The following SKAP1 variants were observed in gnomAD, a reference collection of about 807,000 sequenced individuals.
SKAP1 encodes src kinase-associated phosphoprotein 1.
Under a neutral mutation model 58.5 loss-of-function variants are expected in SKAP1, and 44 were observed. The ratio of observed to expected loss-of-function variants is 0.75; its 90% confidence interval spans 0.59 to 0.97. The LOEUF (loss-of-function observed/expected upper bound fraction) is 0.97. Among genes scored for constraint, SKAP1 ranks in the 50% least tolerant of loss-of-function variants. The pLI is 0.00. For missense variants in SKAP1, 390 were observed against 435.2 expected (o/e 0.90, Z 0.92); for synonymous variants, 127 against 149.7 (o/e 0.85, Z 1.11).
chr17:48,372,234 A>T (rs946811508), intron 2 of SKAP1, among the ~76,000 whole-genome samples: 1 of 152,010 alleles, frequency 6.6e-6, no homozygotes, highest in African/African-American at 2.4e-5. Flanking sequence ...AGCCTCCCAA[A>T]GTGCTGGGAT....
chr17:48,254,843 A>G (rs544001940), intron 4 of SKAP1, among the ~76,000 whole-genome samples: 4 of 152,166 alleles, frequency 2.6e-5, no homozygotes, highest in African/African-American at 9.6e-5. Context: ...CTTCAATAAT[A>G]CAAGCAAATA....
At chr17:48,419,237 T>C (rs537616656) in intron 1 of SKAP1, among the ~76,000 whole-genome samples, 1 of 151,568 alleles carries the variant, frequency 6.6e-6, no homozygotes, top group African/African-American at 2.4e-5. Context: ...GATGGATGAA[T>C]GGATAAAAGG....
intron 2 of SKAP1, among the ~76,000 whole-genome samples, chr17:48,364,526 T>C (rs2066978211): frequency 6.6e-6 from 1 of 152,020 alleles, no homozygotes; most frequent in African/African-American, 2.4e-5. Context: ...AATATAAAAA[T>C]TAGCTGGGCA....
At chr17:48,269,322 A>G (rs2065596942) in intron 4 of SKAP1, among the ~76,000 whole-genome samples, 1 of 152,080 alleles carries the variant, frequency 6.6e-6, no homozygotes, top group Non-Finnish European at 1.5e-5. Flanking sequence ...AAAAACAAAA[A>G]ATAACTTCTG....
chr17:48,302,010 T>C (rs2066064671), intron 4 of SKAP1, among the ~76,000 whole-genome samples: 1 of 152,222 alleles, frequency 6.6e-6, no homozygotes, highest in African/African-American at 2.4e-5. Flanking sequence ...TGATTTTCTG[T>C]TGAGATTATA....
In SKAP1 at chr17:48,162,561, C is replaced by A. The variant is rs1330795694; in HGVS notation, c.886G>T (p.Ala296Ser). The A allele has an allele frequency of 6.2e-7, 1 of 1,611,840 alleles. No individual in the cohort carries two copies. The highest frequency in any genetic ancestry group is 1.1e-5 in the South Asian group (1 of 90,860). ...TCCCATAGGCCCTGGTAGTAACTGG[C>A]ATAGTCTACTGATCAAAGAGAGGAG... ...SGTRRKGVDY[A>S]SYYQGLWDCH... The change falls in exon 11 of 13, where the codon GCC becomes TCC. Residue 296 changes from alanine (A) to serine (S), a missense_variant. Transcript: ENST00000336915.
intron 1 of SKAP1, among the ~76,000 whole-genome samples, chr17:48,416,036 G>A (rs1425312530): frequency 1.3e-5 from 2 of 152,118 alleles, no homozygotes; most frequent in African/African-American, 4.8e-5. Context: ...TAAAAAATAG[G>A]TTGGCCTGCA....
intron 4 of SKAP1, among the ~76,000 whole-genome samples, chr17:48,238,639 T>C (rs755108893): frequency 1.7e-4 from 26 of 152,060 alleles, no homozygotes; most frequent in African/African-American, 2.4e-4. Context: ...TCCCAAAGTA[T>C]TGGGATTACA....
chr17:48,396,531 G>A (rs1184527811), intron 2 of SKAP1, 149 bp downstream of exon 2: 1 of 466,608 alleles, frequency 2.1e-6, no homozygotes, highest in Non-Finnish European at 3.8e-6. Flanking sequence ...ATGCTTGCCT[G>A]CCTCCAGTTC....
chr17:48,178,713 G>T (rs2064324966), intron 9 of SKAP1, among the ~76,000 whole-genome samples: 1 of 152,246 alleles, frequency 6.6e-6, no homozygotes, highest in East Asian at 1.9e-4. Flanking sequence ...TCCTTTGGTT[G>T]TATCTGTTTT....
chr17:48,414,544 G>A (rs868362084), intron 1 of SKAP1, among the ~76,000 whole-genome samples: 12 of 152,172 alleles, frequency 7.9e-5, no homozygotes, highest in South Asian at 2.1e-4. Flanking sequence ...ATTTGAAGTC[G>A]CATATTTAAA....
intron 1 of SKAP1, among the ~76,000 whole-genome samples, chr17:48,411,487 T>C (rs2067665590): frequency 6.6e-6 from 1 of 152,216 alleles, no homozygotes; most frequent in Non-Finnish European, 1.5e-5. Context: ...AAATAATTTA[T>C]GTACTACTCC....
intron 10 of SKAP1, among the ~76,000 whole-genome samples, chr17:48,166,306 T>C (rs1414323880): frequency 6.6e-6 from 1 of 152,228 alleles, no homozygotes; most frequent in East Asian, 1.9e-4. Context: ...ATTGGTTTCT[T>C]TTTTCTATTT....
At chr17:48,274,708 AT>A (rs397758369) in intron 4 of SKAP1, among the ~76,000 whole-genome samples, 1 of 150,392 alleles carries the variant, frequency 6.6e-6, no homozygotes, top group Admixed American at 6.6e-5. Context: ...AAAAAAAAAA[AT>A]TTTTTTTTCT....
intron 4 of SKAP1, among the ~76,000 whole-genome samples, chr17:48,345,243 C>T (rs1326170088): frequency 6.6e-6 from 1 of 152,182 alleles, no homozygotes; most frequent in East Asian, 1.9e-4. Context: ...CTTAAAAATT[C>T]ATGTATATTT....
At chr17:48,185,984 T>C (rs1170434192) in intron 6 of SKAP1, 1 of 152,000 alleles carries the variant, frequency 6.6e-6, no homozygotes, top group Non-Finnish European at 1.5e-5. Flanking sequence ...AGCTTCCGAG[T>C]CTCTTGCTCT....
At chr17:48,434,412 G>T (rs1018165080), upstream of SKAP1, among the ~76,000 whole-genome samples, 1 of 152,178 alleles carries the variant, frequency 6.6e-6, no homozygotes, top group African/African-American at 2.4e-5. Flanking sequence ...TCCACGGCTT[G>T]CCAGAAGCCT....
intron 4 of SKAP1, among the ~76,000 whole-genome samples, chr17:48,292,314 A>G (rs969109864): frequency 6.6e-6 from 1 of 152,112 alleles, no homozygotes; most frequent in Non-Finnish European, 1.5e-5. Flanking sequence ...GATGTTAACA[A>G]CTATTCTGAT....
chr17:48,398,311 G>A (rs1003302864), intron 1 of SKAP1, among the ~76,000 whole-genome samples: 8 of 151,940 alleles, frequency 5.3e-5, no homozygotes, highest in African/African-American at 1.9e-4. Flanking sequence ...GAGGGATCTA[G>A]GTTGTGTGCT....
Sources: gnomAD v4.1 joint callset for allele counts (sites outside exome capture counted in the v4.1 genomes callset) on GRCh38, gnomAD v4.1.1 for gene constraint, MANE v1.5 for transcripts, NCBI Gene and HGNC (gene_info 2026-07-23, HGNC 2026-07-21) for gene names.